AHSG: variants seen among roughly 807,000 people sequenced by gnomAD.
AHSG encodes alpha 2-HS glycoprotein.
Under a neutral mutation model 30.1 loss-of-function variants are expected in AHSG, and 23 were observed. That is an observed-to-expected ratio of 0.76 (90% CI 0.55 to 1.08). The LOEUF is 1.08. AHSG is among the 50% of genes least tolerant of loss of function. The pLI is 0.00. For synonymous variants in AHSG, 164 were observed against 186.3 expected (o/e 0.88, Z 0.98); for missense variants, 469 against 459.5 (o/e 1.02, Z -0.19).
In AHSG at chr3:186,613,120, C is replaced by T; in HGVS notation, c.-22C>T. On this transcript the variant is annotated 5_prime_UTR_variant, in exon 1 of 7. Coordinates refer to ENST00000411641, the MANE Select transcript of AHSG (RefSeq NM_001622.4). ...AAGCCTCCAACCACCTGCACGCCTGCCAGGGCCTCTCTGGGGCAGCCATGA... is the reference window on the plus strand; with the variant it reads ...AAGCCTCCAACCACCTGCACGCCTGTCAGGGCCTCTCTGGGGCAGCCATGA... 6.2e-7 allele frequency: 1 copy of T among 1,613,064 alleles called. No individual in the cohort carries two copies. Among genetic ancestry groups the T allele is most frequent in the African/African-American group, 1.3e-5 (1 of 75,000 alleles).
At position 186,620,067 on chromosome 3, in the gene AHSG, A is replaced by C. The variant is rs1716431347; in HGVS notation, c.759+127A>C. 4.7e-6 allele frequency: 3 copies of C among 633,078 alleles called. No homozygotes were observed. In the East Asian group the frequency reaches 8.5e-5, roughly 18 times the overall value. 39.2% of individuals were successfully genotyped at this position (633,078 alleles called of 1,614,324 possible). On this transcript the variant is annotated intron_variant, in intron 6 of 6. Transcript: ENST00000411641. ...CTTCTGAATCTCACAGTATGAAATA[A>C]CACTGGGGTATGCGGAATCATCAAC... is the stretch of plus-strand genomic sequence containing the variant.
rs77045817 is a variant in AHSG at position 186,615,548 on chromosome 3, G to A, written c.214-137G>A. ...CAGTTCAGAGCTAGACGGAGTTGCA[G>A]ACTGACAGTAAGAATGACATTTCCC... On this transcript the variant is annotated intron_variant, in intron 1 of 6. Transcript: ENST00000411641. The A allele has an allele frequency of 8.9e-6, 6 of 671,630 alleles. No homozygotes were observed. The East Asian group carries it at 1.6e-4, about 18-fold the overall frequency. The allele number at this position is 671,630 out of a possible 1,614,324, so 41.6% of individuals were successfully genotyped here.
chr3:186,617,235 C>T lies in AHSG; in HGVS notation c.458C>T (p.Ala153Val), dbSNP rs781509250. 2.5e-6 allele frequency: 4 copies of T among 1,614,076 alleles called. No individual in the cohort carries two copies. The highest frequency in any genetic ancestry group is 1.7e-5 in the Admixed American group (1 of 60,018). The change falls in exon 4 of 7, where the codon GCC becomes GTC. Residue 153 changes from alanine to valine, a missense_variant. Coordinates refer to ENST00000411641, the MANE Select transcript of AHSG (RefSeq NM_001622.4). ...RKVCQDCPLL[A>V]PLNDTRVVHA... is the part of the protein sequence containing the mutation. The stretch of plus-strand genomic sequence containing the variant: ...GTGTGCCAAGACTGCCCCCTGCTGG[C>T]CCCGCTGAACGACACCAGGGTGGTG...
chr3:186,617,408 C>G, intron 4 of AHSG, 58 bp downstream of exon 4: 1 of 1,613,592 alleles, frequency 6.2e-7, no homozygotes, highest in Non-Finnish European at 8.5e-7. Context: ...CGGGAATGTA[C>G]TGTACGTGGT....
Position 186,618,659 on chromosome 3 carries a change from G to T in AHSG, c.675+22G>T. 2 of 1,612,840 alleles carry T rather than the reference G, an allele frequency of 1.2e-6. 1 individual carries two copies. Among genetic ancestry groups the T allele is most frequent in the South Asian group, 2.2e-5 (2 of 90,852 alleles). Reference sequence around the variant, plus strand: ...AAAGGTGAGTGGGCCGGGACCTTGGGGTGTTACCACTCGGACAGAGCTGTT... The same window carrying T: ...AAAGGTGAGTGGGCCGGGACCTTGGTGTGTTACCACTCGGACAGAGCTGTT... On this transcript the variant is annotated intron_variant, in intron 5 of 6. Transcript: ENST00000411641.
At position 186,615,804 on chromosome 3, in the gene AHSG, C is replaced by A. The variant is rs749615680; in HGVS notation, c.324+9C>A. Reference sequence around the variant, plus strand: ...GGCAGCTGAAGGAGCATGTGAGTACCCTTCTTAGGATGACTGTAGGTGGCC... The same window carrying A: ...GGCAGCTGAAGGAGCATGTGAGTACACTTCTTAGGATGACTGTAGGTGGCC... On this transcript the variant is annotated intron_variant, in intron 2 of 6. Transcript: ENST00000411641. 7 of 1,612,152 alleles carry A rather than the reference C, an allele frequency of 4.3e-6. No homozygotes were observed. The highest frequency in any genetic ancestry group is 2.2e-5 in the East Asian group (1 of 44,878).
intron 5 of AHSG, 38 bp downstream of exon 5, chr3:186,618,675 C>A: frequency 6.2e-7 from 1 of 1,608,528 alleles, no homozygotes. Context: ...ACCACTCGGA[C>A]AGAGCTGTTT....
At position 186,616,523 on chromosome 3, in the gene AHSG, T is replaced by G. The variant is rs1716309934; in HGVS notation, c.405T>G (p.Ser135Arg). 6.2e-7 allele frequency: 1 copy of G among 1,608,674 alleles called. No homozygotes were observed. Among genetic ancestry groups the G allele is most frequent in the Admixed American group, 1.7e-5 (1 of 59,478 alleles). The change falls in exon 3 of 7, where the codon AGT (serine) becomes AGG (arginine). Residue 135 changes from serine (S) to arginine (R), a missense_variant. Transcript: ENST00000411641. ...TGGTATACGCAAAATGTGATTCCAG[T>G]CCAGGTACAGATGACTATTCTTATT... Reference protein sequence around the residue: ...FSVVYAKCDSSPDSAEDVRKV... With the variant: ...FSVVYAKCDSRPDSAEDVRKV...
intron 4 of AHSG, 144 bp downstream of exon 4, chr3:186,617,494 A>G (rs1227794192): frequency 6.8e-7 from 1 of 1,460,842 alleles, no homozygotes; most frequent in Non-Finnish European, 9.4e-7. Context: ...GAAAGGGAAG[A>G]AAGCATCCTA....
rs761716301 is a variant in AHSG at position 186,620,666 on chromosome 3, C to A, written c.840C>A (p.Ser280=). 5.0e-6 allele frequency: 8 copies of A among 1,614,016 alleles called. No homozygotes were observed. In the African/African-American group the frequency reaches 1.1e-4, roughly 22 times the overall value. The change falls in exon 7 of 7, where the codon TCC becomes TCA. Residue 280 remains serine (S), a synonymous_variant. Coordinates refer to ENST00000411641, the MANE Select transcript of AHSG (RefSeq NM_001622.4). ...TGGTGGACCCAGATGCACCTCCGTC[C>A]CCTCCACTTGGCGCACCTGGACTCC... The part of the protein sequence containing the change: ...TPVVDPDAPP[S]PPLGAPGLPP...
intron 3 of AHSG, 44 bp from the exon 4 acceptor site, chr3:186,617,143 A>G (rs373519378): frequency 9.9e-4 from 1,556 of 1,578,638 alleles, no homozygotes; most frequent in Non-Finnish European, 1.3e-3. Context: ...GGGCCATGCC[A>G]GGGAGAATGG....
intron 1 of AHSG, 104 bp downstream of exon 1, chr3:186,613,458 G>A (rs1716206256): frequency 9.2e-7 from 1 of 1,081,896 alleles, no homozygotes; most frequent in Non-Finnish European, 1.3e-6. Context: ...CCACAGAGGA[G>A]TAAATTCTCT....
chr3:186,620,855 G>A lies in AHSG; in HGVS notation c.1029G>A (p.Val343=), dbSNP rs768774807. Residue 343 remains valine (V), a synonymous_variant, in exon 7 of 7, where the codon GTG becomes GTA. Transcript: ENST00000411641. ...VSHPRKTRTV[V]QPSVGAAAGP... Reference sequence around the variant, plus strand: ...ACCCCCGGAAAACACGCACAGTGGTGCAGCCTAGTGTTGGTGCTGCTGCTG... The same window carrying A: ...ACCCCCGGAAAACACGCACAGTGGTACAGCCTAGTGTTGGTGCTGCTGCTG... The A allele has an allele frequency of 6.2e-7, 1 of 1,614,172 alleles. No individual in the cohort carries two copies. Among genetic ancestry groups the A allele is most frequent in the Non-Finnish European group, 8.5e-7 (1 of 1,180,048 alleles).
rs1004026351 is a variant in AHSG at position 186,613,359 on chromosome 3, G to A, written c.213+5G>A. On this transcript the variant is annotated splice_donor_5th_base_variant and intron_variant, in intron 1 of 6. Coordinates refer to ENST00000411641, the MANE Select transcript of AHSG (RefSeq NM_001622.4). ...GAAGTAAAGGTGTGGCCTCAGGTAA[G>A]TGGACCTGCTGTCTATGAGCTGAAA... is the stretch of plus-strand genomic sequence containing the variant. The A allele has an allele frequency of 3.1e-6, 5 of 1,608,132 alleles. No homozygotes were observed. The highest frequency in any genetic ancestry group is 4.2e-6 in the Non-Finnish European group (5 of 1,176,686).
At chr3:186,616,003 C>T (rs1716292762) in intron 2 of AHSG, among the ~76,000 whole-genome samples, 1 of 152,180 alleles carries the variant, frequency 6.6e-6, no homozygotes, top group Non-Finnish European at 1.5e-5. Context: ...CAAGACCAGC[C>T]TGGCCAGTAT....
intron 1 of AHSG, 64 bp from the exon 2 acceptor site, chr3:186,615,621 C>T: frequency 7.3e-7 from 1 of 1,364,546 alleles, no homozygotes; most frequent in Non-Finnish European, 1.0e-6. Context: ...AGGGCGCATA[C>T]CGTGGACCGC....
At chr3:186,613,636 G>A (rs1053802201) in intron 1 of AHSG, among the ~76,000 whole-genome samples, 1 of 152,144 alleles carries the variant, frequency 6.6e-6, no homozygotes, top group Non-Finnish European at 1.5e-5. Flanking sequence ...AGTGTAACTT[G>A]CTGGAAAAAC....
At chr3:186,619,791 T>G (rs1716420194) in intron 5 of AHSG, 66 bp from the exon 6 acceptor site, 2 of 1,315,434 alleles carry the variant, frequency 1.5e-6, no homozygotes, top group Non-Finnish European at 2.1e-6. Context: ...GGTTGGCGCG[T>G]CAATGAAATT....
At chr3:186,617,433 G>A (rs756663548) in intron 4 of AHSG, 83 bp downstream of exon 4, 25 of 1,609,306 alleles carry the variant, frequency 1.6e-5, no homozygotes, top group African/African-American at 1.5e-4. Flanking sequence ...CGGGAGGCAG[G>A]GAAGAACAGG....
Sources: allele counts gnomAD v4.1 joint callset (sites outside exome capture counted in the v4.1 genomes callset), GRCh38; gene constraint gnomAD v4.1.1; transcripts MANE v1.5; gene names NCBI Gene and HGNC (gene_info 2026-07-23, HGNC 2026-07-21).